LRRC7: variants seen among roughly 807,000 people sequenced by gnomAD.
LRRC7 encodes the protein leucine-rich repeat-containing protein 7.
Under a neutral mutation model 175.7 loss-of-function variants are expected in LRRC7, and 23 were observed. That is an observed-to-expected ratio of 0.13 (90% CI 0.09 to 0.19). The LOEUF is 0.19. LRRC7 is among the 10% of genes least tolerant of loss of function. The probability of loss-of-function intolerance (pLI) is 1.00; values close to 1 mark genes in which losing one functional copy is unlikely to be tolerated. For missense variants in LRRC7, 1,354 were observed against 1,904.7 expected (o/e 0.71, Z 5.38); for synonymous variants, 685 against 680.9 (o/e 1.01, Z -0.09).
chr1:69,982,344 A>G (rs1418884347), intron 9 of LRRC7, among the ~76,000 whole-genome samples: 3 of 152,190 alleles, frequency 2.0e-5, no homozygotes, highest in Non-Finnish European at 4.4e-5. Flanking sequence ...AGAAATAGCC[A>G]TGGCTTTCTG....
intron 26 of LRRC7, among the ~76,000 whole-genome samples, chr1:70,109,544 A>C (rs1427418516): frequency 1.3e-5 from 2 of 152,186 alleles, no homozygotes; most frequent in East Asian, 1.9e-4. Context: ...CACATATAAT[A>C]ATCTAAAATT....
intron 1 of LRRC7, among the ~76,000 whole-genome samples, chr1:69,578,739 C>T (rs1479483535): frequency 1.4e-5 from 2 of 139,042 alleles, no homozygotes; most frequent in African/African-American, 5.5e-5. Context: ...GTGAATTGAA[C>T]AATGAGAACA....
intron 8 of LRRC7, among the ~76,000 whole-genome samples, chr1:69,958,978 T>C (rs144785428): frequency 3.6e-4 from 55 of 152,190 alleles, no homozygotes; most frequent in Non-Finnish European, 6.9e-4. Flanking sequence ...TTTGTGTTTG[T>C]TTCAGTAAAT....
chr1:70,055,751 A>G (rs1224317351), intron 23 of LRRC7, among the ~76,000 whole-genome samples: 1 of 152,192 alleles, frequency 6.6e-6, no homozygotes, highest in Non-Finnish European at 1.5e-5. Flanking sequence ...AAGAACAGCA[A>G]GAGGAAAATC....
intron 2 of LRRC7, among the ~76,000 whole-genome samples, chr1:69,693,354 A>G (rs1448964679): frequency 6.6e-6 from 1 of 152,204 alleles, no homozygotes; most frequent in Non-Finnish European, 1.5e-5. Context: ...CAGGAGAAAC[A>G]GAACCTATAG....
rs1209551145 is a variant in LRRC7, at chr1:70,140,005, G to T, written c.*18118G>T. 1.3e-5 allele frequency: 2 copies of T among 152,026 alleles called. No individual in the cohort carries two copies. Among genetic ancestry groups the T allele is most frequent in the Non-Finnish European group, 2.9e-5 (2 of 67,996 alleles). The allele number at this position is 152,026 out of a possible 1,614,324, so 9.4% of individuals were successfully genotyped here. On this transcript the variant is annotated 3_prime_UTR_variant, in exon 27 of 27. Transcript: ENST00000651989. The stretch of plus-strand genomic sequence containing the variant: ...GGGTACTTACAATAGCTGCCTTATT[G>T]GGGGAAGGGAGGCATAGATTTGCAA...
intron 1 of LRRC7, among the ~76,000 whole-genome samples, chr1:69,660,658 G>GC (rs1415289063): frequency 1.3e-4 from 20 of 152,100 alleles, no homozygotes; most frequent in African/African-American, 4.8e-4. Flanking sequence ...AGAAGACATT[G>GC]CTAGTGTAAA....
intron 3 of LRRC7, among the ~76,000 whole-genome samples, chr1:69,774,473 A>G (rs995945825): frequency 5.9e-5 from 9 of 152,296 alleles, no homozygotes; most frequent in African/African-American, 1.9e-4. Flanking sequence ...CAGCATGAGG[A>G]CTATAGGTAA....
intron 2 of LRRC7, among the ~76,000 whole-genome samples, chr1:69,707,642 A>T (rs1178324891): frequency 6.6e-6 from 1 of 152,212 alleles, no homozygotes; most frequent in African/African-American, 2.4e-5. Context: ...ATATGCATTC[A>T]GTAAATGCTA....
At chr1:69,651,787 T>C (rs1431905840) in intron 1 of LRRC7, among the ~76,000 whole-genome samples, 2 of 151,546 alleles carry the variant, frequency 1.3e-5, no homozygotes, top group South Asian at 2.1e-4. Flanking sequence ...AAGAGAAGAG[T>C]GGAACATGCA....
intron 7 of LRRC7, among the ~76,000 whole-genome samples, chr1:69,859,418 G>A (rs1418430211): frequency 3.9e-5 from 6 of 152,014 alleles, no homozygotes; most frequent in Non-Finnish European, 8.8e-5. Flanking sequence ...TTACTATATA[G>A]GTGGTATCAA....
chr1:69,964,477 A>C (rs1651464363), intron 8 of LRRC7, among the ~76,000 whole-genome samples: 1 of 152,208 alleles, frequency 6.6e-6, no homozygotes, highest in Non-Finnish European at 1.5e-5. Context: ...CTCATTGGAC[A>C]GTCATGAAGA....
chr1:70,074,015 A>G (rs374933235), intron 23 of LRRC7, among the ~76,000 whole-genome samples: 7 of 152,288 alleles, frequency 4.6e-5, no homozygotes, highest in African/African-American at 1.4e-4. Flanking sequence ...AACCTGGCCA[A>G]CATGGTGAAA....
chr1:70,107,396 ATAGT>A (rs1665217514), intron 25 of LRRC7, among the ~76,000 whole-genome samples: 1 of 152,226 alleles, frequency 6.6e-6, no homozygotes, highest in Admixed American at 6.5e-5. Context: ...TAATGGAGAC[ATAGT>A]TAAGTAGAAT....
chr1:69,716,161 A>T, intron 2 of LRRC7: 1 of 443,694 alleles, frequency 2.3e-6, no homozygotes, highest in Non-Finnish European at 4.1e-6. Flanking sequence ...ACATGAAAAA[A>T]AATGCAAGTC....
chr1:70,044,332 G>A (rs1660163952), intron 22 of LRRC7, among the ~76,000 whole-genome samples: 1 of 152,030 alleles, frequency 6.6e-6, no homozygotes, highest in Non-Finnish European at 1.5e-5. Context: ...GATTGAGCAG[G>A]TACATGGCTT....
At chr1:69,916,151 T>TATATACATATTTTATATATATAATATATA (rs1646698477) in intron 7 of LRRC7, among the ~76,000 whole-genome samples, 1 of 54,452 alleles carries the variant, frequency 1.8e-5, no homozygotes, top group African/African-American at 6.7e-5. Flanking sequence ...ATATATATAT[T>TATATACATATTTTATATATATAATATATA]ATATACATAT....
chr1:69,801,437 A>G (rs945262631), intron 4 of LRRC7, among the ~76,000 whole-genome samples: 4 of 151,676 alleles, frequency 2.6e-5, no homozygotes, highest in Non-Finnish European at 5.9e-5. Flanking sequence ...TCCTGGTTCA[A>G]TATTCGGAGG....
At chr1:69,894,148 A>G (rs983355175) in intron 7 of LRRC7, among the ~76,000 whole-genome samples, 1 of 152,260 alleles carries the variant, frequency 6.6e-6, no homozygotes, top group African/African-American at 2.4e-5. Flanking sequence ...TAGGTAATAT[A>G]GTTGCTAATA....
Sources: allele counts gnomAD v4.1 joint callset (sites outside exome capture counted in the v4.1 genomes callset), GRCh38; gene constraint gnomAD v4.1.1; transcripts MANE v1.5; gene names NCBI Gene and HGNC (gene_info 2026-07-23, HGNC 2026-07-21).